DBX2: variants seen among roughly 807,000 people sequenced by gnomAD.
DBX2 encodes the protein developing brain homeobox 2.
DBX2 carries 16 observed loss-of-function variants against 17.7 expected under a neutral mutation model. The ratio of observed to expected loss-of-function variants is 0.90; its 90% confidence interval spans 0.61 to 1.37. The LOEUF is 1.37. DBX2 is among the 40% of genes most tolerant of loss of function. DBX2 has a pLI of 0.00. For missense variants in DBX2, 538 were observed against 433.8 expected (o/e 1.24, Z -2.13); for synonymous variants, 255 against 183.8 (o/e 1.39, Z -3.13).
In DBX2 at chr12:45,029,391, C is replaced by T. The variant is rs143253241; in HGVS notation, c.500-5497G>A. Among the ~76,000 whole-genome samples, 393 of 152,274 alleles carry T rather than the reference C, an allele frequency of 2.6e-3. 2 individuals are homozygous for T. Among genetic ancestry groups the T allele is most frequent in the African/African-American group, 8.8e-3 (366 of 41,564 alleles). On this transcript the variant is annotated intron_variant, in intron 2 of 3. Transcript: ENST00000332700. ...AATCCCTGGAAGAAGAAATTACCACCCTCGTTGTTTACAGGAAAAAACTAG... is the reference window on the plus strand; with the variant it reads ...AATCCCTGGAAGAAGAAATTACCACTCTCGTTGTTTACAGGAAAAAACTAG...
At chr12:45,042,741 G>A (rs1393661169) in intron 1 of DBX2, among the ~76,000 whole-genome samples, 1 of 152,194 alleles carries the variant, frequency 6.6e-6, no homozygotes, top group East Asian at 1.9e-4. Flanking sequence ...AAGGGCCAAA[G>A]GGAAAGCTGC....
intron 1 of DBX2, among the ~76,000 whole-genome samples, chr12:45,036,957 T>A (rs1228677334): frequency 1.3e-5 from 2 of 152,182 alleles, no homozygotes; most frequent in Non-Finnish European, 2.9e-5. Flanking sequence ...TCAGGAGAAA[T>A]GCATGAACTA....
In DBX2 at chr12:45,050,759, G is replaced by T; in HGVS notation, c.169C>A (p.Pro57Thr). Residue 57 changes from proline (P) to threonine (T), a missense_variant, in exon 1 of 4, where the codon CCC becomes ACC. Transcript: ENST00000332700. ...GCGGTCGCCGGGTCGTGGGGCGCGG[G>T]CGGCTGCAGCCTGGGCGTTGGGGCG... ...GGAPTPRLQP[P>T]APHDPATALA... The T allele has an allele frequency of 6.7e-7, 1 of 1,503,614 alleles. No homozygotes were observed. The highest frequency in any genetic ancestry group is 8.9e-7 in the Non-Finnish European group (1 of 1,127,336). The allele number at this position is 1,503,614 out of a possible 1,614,324, so 93.1% of individuals were successfully genotyped here. A position where few individuals can be genotyped will look rare whatever the true frequency, so the allele number is the denominator to read the frequency against.
In DBX2 at chr12:45,050,687, C is replaced by T; in HGVS notation, c.241G>A (p.Val81Ile). 6.5e-7 allele frequency: 1 copy of T among 1,540,728 alleles called. No individual in the cohort carries two copies. The highest frequency in any genetic ancestry group is 8.7e-7 in the Non-Finnish European group (1 of 1,143,154). Reference sequence around the variant, plus strand: ...GCTGCGGGGCACAGCTTTAGGGGAACTGGGCTAGCAGGCAGGGGCCGGAGC... The same window carrying T: ...GCTGCGGGGCACAGCTTTAGGGGAATTGGGCTAGCAGGCAGGGGCCGGAGC... ...AQLRPLPASP[V>I]PLKLCPAAEQ... is the part of the protein sequence containing the mutation. Residue 81 changes from valine to isoleucine, a missense_variant, in exon 1 of 4, where the codon GTT (valine) becomes ATT (isoleucine). Physicochemically the swap from Val to Ile is conservative, Grantham distance 29 (BLOSUM62 3). Coordinates refer to ENST00000332700, the MANE Select transcript of DBX2 (RefSeq NM_001004329.3).
rs950226984 is a variant in DBX2 at position 45,025,746 on chromosome 12, T to G, written c.500-1852A>C. The stretch of plus-strand genomic sequence containing the variant: ...TACTGAATAAACAAGTAAATGAATG[T>G]CATAAGTACTAGAATAGAAAGATCT... On this transcript the variant is annotated intron_variant, in intron 2 of 3. Transcript: ENST00000332700. Among the ~76,000 whole-genome samples, 2 of 40,756 alleles carry G rather than the reference T, an allele frequency of 4.9e-5. 1 individual carries two copies. Among genetic ancestry groups the G allele is most frequent in the Non-Finnish European group, 1.0e-4 (2 of 19,310 alleles). The allele number at this position is 40,756 out of a possible 152,430, so 26.7% of individuals were successfully genotyped here.
chr12:45,016,680 TA>T, intron 3 of DBX2, 62 bp from the exon 4 acceptor site: 1 of 1,463,080 alleles, frequency 6.8e-7, no homozygotes. Flanking sequence ...TTCAGCATTT[TA>T]AACTGTAATT....
Position 45,050,711 on chromosome 12 carries a change from G to C in DBX2, c.217C>G (p.Leu73Val). The C allele has an allele frequency of 6.7e-7, 1 of 1,500,092 alleles. No homozygotes were observed. Among genetic ancestry groups the C allele is most frequent in the Non-Finnish European group, 8.9e-7 (1 of 1,127,146 alleles). The allele number at this position is 1,500,092 out of a possible 1,614,324, so 92.9% of individuals were successfully genotyped here. Residue 73 changes from leucine to valine, a missense_variant, in exon 1 of 4, where the codon CTC (leucine) becomes GTC (valine). Physicochemically the swap from Leu to Val is conservative, Grantham distance 32 (BLOSUM62 1). Coordinates refer to ENST00000332700, the MANE Select transcript of DBX2 (RefSeq NM_001004329.3). ...ATALATAGAQ[L>V]RPLPASPVPL... ...ACTGGGCTAGCAGGCAGGGGCCGGA[G>C]CTGCGCGCCCGCGGTGGCCAGGGCG...
At chr12:45,033,550 C>G (rs1565583700) in intron 2 of DBX2, among the ~76,000 whole-genome samples, 1 of 152,012 alleles carries the variant, frequency 6.6e-6, no homozygotes, top group Non-Finnish European at 1.5e-5. Flanking sequence ...CCTTGGTATC[C>G]TGGTTATTTA....
intron 1 of DBX2, among the ~76,000 whole-genome samples, chr12:45,043,903 T>C (rs1163452716): frequency 6.6e-6 from 1 of 152,182 alleles, no homozygotes; most frequent in African/African-American, 2.4e-5. Context: ...TCTACCACTG[T>C]TCACATTTTG....
At chr12:45,023,322 C>T (rs1858134287) in intron 3 of DBX2, among the ~76,000 whole-genome samples, 1 of 152,102 alleles carries the variant, frequency 6.6e-6, no homozygotes, top group Admixed American at 6.5e-5. Flanking sequence ...GTGGTTCCTA[C>T]TTTTTGAAGA....
Position 45,051,027 on chromosome 12 carries a change from C to A in DBX2, c.-100G>T, listed in dbSNP as rs985636686. 1.5e-6 allele frequency: 2 copies of A among 1,291,606 alleles called. No homozygotes were observed. The highest frequency in any genetic ancestry group is 4.3e-5 in the Admixed American group (1 of 23,496). 80.0% of individuals were successfully genotyped at this position (1,291,606 alleles called of 1,614,324 possible). On this transcript the variant is annotated 5_prime_UTR_variant, in exon 1 of 4. Coordinates refer to ENST00000332700, the MANE Select transcript of DBX2 (RefSeq NM_001004329.3). ...GAGCCGCAGCTTCTCGCCGCCGCCTCCCGCAGGGCTGGAGCGCGCGGAGCC... is the reference window on the plus strand; with the variant it reads ...GAGCCGCAGCTTCTCGCCGCCGCCTACCGCAGGGCTGGAGCGCGCGGAGCC...
chr12:45,050,703 G>T lies in DBX2; in HGVS notation c.225C>A (p.Pro75=). 3 of 1,507,892 alleles carry T rather than the reference G, an allele frequency of 2.0e-6. No individual in the cohort carries two copies. In the South Asian group the frequency reaches 3.8e-5, roughly 19 times the overall value. 93.4% of individuals were successfully genotyped at this position (1,507,892 alleles called of 1,614,324 possible). The part of the protein sequence containing the change: ...ALATAGAQLR[P]LPASPVPLKL... The stretch of plus-strand genomic sequence containing the variant: ...TTAGGGGAACTGGGCTAGCAGGCAG[G>T]GGCCGGAGCTGCGCGCCCGCGGTGG... Residue 75 remains proline (P), a synonymous_variant, in exon 1 of 4, where the codon CCC becomes CCA. Transcript: ENST00000332700.
intron 3 of DBX2, among the ~76,000 whole-genome samples, chr12:45,020,744 A>T (rs1158867797): frequency 6.6e-6 from 1 of 151,596 alleles, no homozygotes. Context: ...AGAGGTAGTA[A>T]AAGTAGCTAC....
Position 45,031,225 on chromosome 12 carries a change from T to TGTGTGTGTGTGTGAGAGAGAGA in DBX2, c.499+4793_499+4794insTCTCTCTCTCACACACACACAC, listed in dbSNP as rs1377897653. 8.2e-5 allele frequency among the ~76,000 whole-genome samples: 7 copies of TGTGTGTGTGTGTGAGAGAGAGA among 85,656 alleles called. No individual in the cohort carries two copies. In the East Asian group the frequency reaches 1.2e-3, roughly 14 times the overall value. The allele number at this position is 85,656 out of a possible 152,430, so 56.2% of individuals were successfully genotyped here. A position where few individuals can be genotyped will look rare whatever the true frequency, so the allele number is the denominator to read the frequency against. ...GTGTGTGTGTGTGTGTGTGTGTGTG[T>TGTGTGTGTGTGTGAGAGAGAGA]GAGAGAGAGAGAGAGAGAGAGAGAG... On this transcript the variant is annotated intron_variant, in intron 2 of 3. Coordinates refer to ENST00000332700, the MANE Select transcript of DBX2 (RefSeq NM_001004329.3).
intron 1 of DBX2, among the ~76,000 whole-genome samples, chr12:45,046,534 A>G (rs967470442): frequency 1.3e-5 from 2 of 152,216 alleles, no homozygotes; most frequent in African/African-American, 2.4e-5. Flanking sequence ...CGGACTTAAA[A>G]AATAAGATCA....
intron 1 of DBX2, among the ~76,000 whole-genome samples, chr12:45,042,571 T>C (rs1946477497): frequency 6.6e-6 from 1 of 152,232 alleles, no homozygotes; most frequent in Non-Finnish European, 1.5e-5. Context: ...TTAAATGCAG[T>C]TGATGGAATG....
At chr12:45,020,454 T>C (rs370756318) in intron 3 of DBX2, among the ~76,000 whole-genome samples, 3 of 152,210 alleles carry the variant, frequency 2.0e-5, no homozygotes, top group South Asian at 2.1e-4. Flanking sequence ...ACTACTTATA[T>C]AAAAGTACAA....
chr12:45,022,298 G>GTTTTTTTTTTTTT (rs745546411), intron 3 of DBX2, among the ~76,000 whole-genome samples: 1 of 82,508 alleles, frequency 1.2e-5, no homozygotes, highest in Non-Finnish European at 2.1e-5. Context: ...AATAATAACT[G>GTTTTTTTTTTTTT]TTTTTTTTTT....
At chr12:45,048,290 G>A (rs144241544) in intron 1 of DBX2, among the ~76,000 whole-genome samples, 4 of 152,146 alleles carry the variant, frequency 2.6e-5, no homozygotes, top group Non-Finnish European at 2.9e-5. Context: ...AAAGGGGGTA[G>A]TCAACATGCA....
Sources: gnomAD v4.1 joint callset for allele counts (sites outside exome capture counted in the v4.1 genomes callset) on GRCh38, gnomAD v4.1.1 for gene constraint, MANE v1.5 for transcripts, NCBI Gene and HGNC (gene_info 2026-07-23, HGNC 2026-07-21) for gene names.